C19orf67: variants seen among roughly 807,000 people sequenced by gnomAD.
C19orf67 encodes UPF0575 protein C19orf67.
A neutral mutation model predicts 41.4 loss-of-function variants in C19orf67; 28 were observed. That is an observed-to-expected ratio of 0.68 (90% confidence interval 0.50 to 0.93). The LOEUF (loss-of-function observed/expected upper bound fraction) is 0.93, where lower values mean the gene tolerates loss of function less well. Among genes scored for constraint, C19orf67 ranks in the 40% least tolerant of loss-of-function variants. The pLI, the probability that C19orf67 is intolerant of heterozygous loss-of-function variation, is 0.00. For synonymous variants in C19orf67, 242 were observed against 203.4 expected (o/e 1.19, Z -1.62); for missense variants, 421 against 467.0 (o/e 0.90, Z 0.91).
chr19:14,085,087 C>A (rs1461535871), intron 1 of C19orf67, among the ~76,000 whole-genome samples: 1 of 152,174 alleles, frequency 6.6e-6, no homozygotes, highest in Non-Finnish European at 1.5e-5. Flanking sequence ...CACACTGCCA[C>A]GACAGTAATA....
intron 4 of C19orf67, among the ~76,000 whole-genome samples, chr19:14,082,805 G>T (rs1976789145): frequency 6.6e-6 from 1 of 151,838 alleles, no homozygotes; most frequent in East Asian, 1.9e-4. Flanking sequence ...TGGGTTTTAA[G>T]AAAATAGAGG....
chr19:14,085,779 C>G lies in C19orf67; in HGVS notation c.-152G>C. The stretch of plus-strand genomic sequence containing the variant: ...CCGCCGCGCCGGGGGCCGTTCGCCT[C>G]TTTTGAATTTCAACACGCGGGAGGG... On this transcript the variant is annotated 5_prime_UTR_variant, in exon 1 of 6. Transcript: ENST00000548523. 1.6e-6 allele frequency: 1 copy of G among 625,012 alleles called. No individual in the cohort carries two copies. The highest frequency in any genetic ancestry group is 2.8e-6 in the Non-Finnish European group (1 of 359,798). 38.7% of individuals were successfully genotyped at this position (625,012 alleles called of 1,614,324 possible).
intron 3 of C19orf67, 40 bp from the exon 4 acceptor site, chr19:14,083,462 T>C (rs1976802191): frequency 6.5e-7 from 1 of 1,532,516 alleles, no homozygotes; most frequent in South Asian, 1.2e-5. Context: ...AGGCTGGGCC[T>C]TGGACTCCTT....
chr19:14,082,264 C>G (rs188480399), intron 5 of C19orf67, among the ~76,000 whole-genome samples: 3 of 152,322 alleles, frequency 2.0e-5, no homozygotes, highest in Admixed American at 6.5e-5. Context: ...CTTCTCTGAG[C>G]ACCCTGTTTT....
In C19orf67 at chr19:14,085,742, A is replaced by T; in HGVS notation, c.-115T>A. Reference sequence around the variant, plus strand: ...GACTGGCCCCTGCCTTGACCTCTCCACCGGAGCCGCGCCGCCGCGCCGGGG... The same window carrying T: ...GACTGGCCCCTGCCTTGACCTCTCCTCCGGAGCCGCGCCGCCGCGCCGGGG... On this transcript the variant is annotated 5_prime_UTR_variant, in exon 1 of 6. Coordinates refer to ENST00000548523, the MANE Select transcript of C19orf67 (RefSeq NM_001277378.2). The T allele has an allele frequency of 2.7e-6, 2 of 740,006 alleles. No individual in the cohort carries two copies. Among genetic ancestry groups the T allele is most frequent in the Non-Finnish European group, 4.4e-6 (2 of 459,478 alleles). The allele number at this position is 740,006 out of a possible 1,614,324, so 45.8% of individuals were successfully genotyped here. A position where few individuals can be genotyped will look rare whatever the true frequency, so the allele number is the denominator to read the frequency against.
intron 5 of C19orf67, among the ~76,000 whole-genome samples, 180 bp downstream of exon 5, chr19:14,082,289 G>A (rs1296076849): frequency 1.3e-5 from 2 of 152,168 alleles, no homozygotes; most frequent in African/African-American, 2.4e-5. Flanking sequence ...GTTAAATGGG[G>A]CCAATAGCAT....
chr19:14,082,422 TC>T, intron 5 of C19orf67, 46 bp downstream of exon 5: 1 of 1,488,526 alleles, frequency 6.7e-7, no homozygotes, highest in Non-Finnish European at 8.9e-7. Context: ...GGGTTCTGCC[TC>T]CCCCTCCAGC....
intron 4 of C19orf67, 52 bp downstream of exon 4, chr19:14,083,185 T>C (rs895988243): frequency 3.5e-5 from 51 of 1,460,844 alleles, no homozygotes; most frequent in Middle Eastern, 1.7e-4. Context: ...GAGGGTCATA[T>C]TGGCATTCAT....
chr19:14,084,149 G>A (rs943527180), intron 1 of C19orf67, among the ~76,000 whole-genome samples: 1 of 152,144 alleles, frequency 6.6e-6, no homozygotes, highest in Non-Finnish European at 1.5e-5. Context: ...TGCAATCCTA[G>A]AGTTTTGGGA....
At position 14,085,581 on chromosome 19, in the gene C19orf67, C is replaced by G; in HGVS notation, c.47G>C (p.Gly16Ala). ...WFEGSLPLDP[G>A]ETPPPDALEP... Reference sequence around the variant, plus strand: ...CAAGGCGTCTGGAGGCGGTGTTTCTCCAGGGTCCAGGGGGAGCGACCCCTC... The same window carrying G: ...CAAGGCGTCTGGAGGCGGTGTTTCTGCAGGGTCCAGGGGGAGCGACCCCTC... The change falls in exon 1 of 6, where the codon GGA (glycine) becomes GCA (alanine). Residue 16 changes from glycine to alanine, a missense_variant. By Grantham distance (60) the Gly-to-Ala change is moderately conservative. Around this residue, in one of 3 missense-constraint regions of C19orf67, gnomAD observed 160 missense variants for 139.2 expected, o/e 1.15. Transcript: ENST00000548523. The G allele has an allele frequency of 6.5e-7, 1 of 1,535,248 alleles. No individual in the cohort carries two copies. The highest frequency in any genetic ancestry group is 8.7e-7 in the Non-Finnish European group (1 of 1,146,606).
intron 1 of C19orf67, 102 bp from the exon 2 acceptor site, chr19:14,083,979 AC>A: frequency 8.6e-7 from 1 of 1,160,002 alleles, no homozygotes; most frequent in Non-Finnish European, 1.1e-6. Flanking sequence ...CCTGGCTTTG[AC>A]CCATTAGAAA....
Position 14,081,953 on chromosome 19 carries a change from C to G in C19orf67, c.958G>C (p.Glu320Gln). The change falls in exon 6 of 6, where the codon GAG (glutamate) becomes CAG (glutamine). Residue 320 changes from glutamate to glutamine, a missense_variant. Glu to Gln is a conservative substitution (Grantham distance 29, BLOSUM62 2). This residue lies in a region of C19orf67 where 253 missense variants were observed against 307.0 expected (regional missense o/e 0.82). Coordinates refer to ENST00000548523, the MANE Select transcript of C19orf67 (RefSeq NM_001277378.2). The part of the protein sequence containing the change: ...DYQQLLTIGF[E>Q]EPTPTLATDL... ...GTGGCCAGCGTGGGCGTGGGCTCCT[C>G]GAAGCCGATGGTCAGCAGCTGCTGG... The G allele has an allele frequency of 1.3e-6, 2 of 1,531,988 alleles. No individual in the cohort carries two copies. The highest frequency in any genetic ancestry group is 1.7e-6 in the Non-Finnish European group (2 of 1,144,314). 94.9% of individuals were successfully genotyped at this position (1,531,988 alleles called of 1,614,324 possible).
chr19:14,083,448 G>T (rs545983516), intron 3 of C19orf67, 26 bp from the exon 4 acceptor site: 12 of 1,530,790 alleles, frequency 7.8e-6, no homozygotes, highest in Non-Finnish European at 9.6e-6. Flanking sequence ...AGAATGGAGG[G>T]GTGAGGCTGG....
At chr19:14,082,872 G>A (rs1328992072) in intron 4 of C19orf67, among the ~76,000 whole-genome samples, 1 of 151,122 alleles carries the variant, frequency 6.6e-6, no homozygotes. Context: ...TTAAGAGACA[G>A]ATTATTGCTT....
chr19:14,083,297 C>CGGG lies in C19orf67; in HGVS notation c.706_707insCCC (p.Met235_Arg236insPro), dbSNP rs1568518346. ...CTCTGGGGTGGCTTCCAGGTGCCAGCGCATCTTCTTATAGAGGTAGCGGGG... is the reference window on the plus strand; with the variant it reads ...CTCTGGGGTGGCTTCCAGGTGCCAGCGGGGCATCTTCTTATAGAGGTAGCGGGG... On this transcript the variant is annotated inframe_insertion, in exon 4 of 6. Coordinates refer to ENST00000548523, the MANE Select transcript of C19orf67 (RefSeq NM_001277378.2). The CGGG allele has an allele frequency of 6.5e-7, 1 of 1,536,054 alleles. No individual in the cohort carries two copies. The highest frequency in any genetic ancestry group is 1.2e-5 in the South Asian group (1 of 84,066).
chr19:14,085,407 C>A lies in C19orf67; in HGVS notation c.221G>T (p.Arg74Leu). ...TAGGCGGGGAGGTGCTGGCCCAGGC[C>A]GGGGGACCAGAGGTTTGGGGGAAGA... ...STSSPKPLVP[R>L]PGPAPPRLSL... Residue 74 changes from arginine to leucine, a missense_variant, in exon 1 of 6, where the codon CGG becomes CTG. Transcript: ENST00000548523. 6.5e-7 allele frequency: 1 copy of A among 1,536,050 alleles called. No individual in the cohort carries two copies. Among genetic ancestry groups the A allele is most frequent in the Non-Finnish European group, 8.7e-7 (1 of 1,146,868 alleles).
chr19:14,082,142 G>A (rs1386794697), intron 5 of C19orf67, 134 bp from the exon 6 acceptor site: 2 of 793,652 alleles, frequency 2.5e-6, no homozygotes, highest in African/African-American at 3.5e-5. Context: ...ACCCCCGGGG[G>A]AAACTTGTTT....
At chr19:14,083,632 G>A (rs1446752096) in intron 2 of C19orf67, 27 bp from the exon 3 acceptor site, 1 of 1,533,834 alleles carries the variant, frequency 6.5e-7, no homozygotes, top group East Asian at 2.4e-5. Context: ...GGTACAGTGA[G>A]ATCAGCTGGC....
chr19:14,083,263 A>G lies in C19orf67; in HGVS notation c.741T>C (p.Gly247=). Reference sequence around the variant, plus strand: ...AATCCACAAGGGAATCTTGTCCCCGACCAGGGGCCTCTGGGGTGGCTTCCA... The same window carrying G: ...AATCCACAAGGGAATCTTGTCCCCGGCCAGGGGCCTCTGGGGTGGCTTCCA... ...WHLEATPEAP[G]RGQDSLVDYY... is the part of the protein sequence containing the mutation. The change falls in exon 4 of 6, where the codon GGT becomes GGC. Residue 247 remains glycine (G), a synonymous_variant. Coordinates refer to ENST00000548523, the MANE Select transcript of C19orf67 (RefSeq NM_001277378.2). The G allele has an allele frequency of 6.5e-7, 1 of 1,536,036 alleles. No homozygotes were observed. Among genetic ancestry groups the G allele is most frequent in the Non-Finnish European group, 8.7e-7 (1 of 1,146,896 alleles).
Sources: allele counts gnomAD v4.1 joint callset (sites outside exome capture counted in the v4.1 genomes callset), GRCh38; gene constraint gnomAD v4.1.1; regional missense constraint gnomAD v4.1.1; transcripts MANE v1.5; gene names NCBI Gene and HGNC (gene_info 2026-07-23, HGNC 2026-07-21).